The following TMEM182 variants were observed in gnomAD, a reference collection of about 807,000 sequenced individuals.
The protein encoded by TMEM182 is transmembrane protein 182.
Under a neutral mutation model 26.8 loss-of-function variants are expected in TMEM182, and 20 were observed. The ratio of observed to expected loss-of-function variants is 0.75; its 90% CI spans 0.53 to 1.09. The LOEUF (loss-of-function observed/expected upper bound fraction) is 1.09, where lower values mean the gene tolerates loss of function less well. Among genes scored for constraint, TMEM182 ranks in the 50% least tolerant of loss-of-function variants. TMEM182 has a pLI of 0.00. For missense variants in TMEM182, 277 were observed against 275.5 expected, an observed-to-expected ratio of 1.01 and a Z score of -0.04; for synonymous variants, 109 against 102.2, an observed-to-expected ratio of 1.07 and a Z score of -0.40.
At chr2:102,843,033 G>T (rs1425876040) in intron 3 of TMEM182, among the ~76,000 whole-genome samples, 2 of 152,156 alleles carry the variant, frequency 1.3e-5, no homozygotes, top group Non-Finnish European at 2.9e-5. Flanking sequence ...AAAATGGAGA[G>T]ATCCTGAGAT....
At chr2:102,807,646 A>T (rs1251128448) in intron 4 of TMEM182, among the ~76,000 whole-genome samples, 1 of 152,194 alleles carries the variant, frequency 6.6e-6, no homozygotes, top group African/African-American at 2.4e-5. Flanking sequence ...TGGAAGTGGC[A>T]AATTTCCCTT....
intron 3 of TMEM182, among the ~76,000 whole-genome samples, chr2:102,795,700 G>T (rs1681840965): frequency 6.6e-6 from 1 of 152,022 alleles, no homozygotes; most frequent in Non-Finnish European, 1.5e-5. Flanking sequence ...TATTTGTGTA[G>T]GTTCAAACGT....
At chr2:102,770,297 A>G (rs1680618436) in intron 3 of TMEM182, among the ~76,000 whole-genome samples, 1 of 152,168 alleles carries the variant, frequency 6.6e-6, no homozygotes, top group Non-Finnish European at 1.5e-5. Flanking sequence ...CCAATGATGC[A>G]AAAGTTCTTG....
intron 1 of TMEM182, among the ~76,000 whole-genome samples, chr2:102,757,009 A>G (rs1558754485): frequency 1.3e-5 from 2 of 152,036 alleles, no homozygotes; most frequent in South Asian, 4.1e-4. Context: ...ACTGAGTTTC[A>G]CCATCTTGGC....
At position 102,797,975 on chromosome 2, in the gene TMEM182, T is replaced by TG; in HGVS notation, c.449dup (p.Gly151ArgfsTer26). The TG allele has an allele frequency of 6.2e-7, 1 of 1,614,016 alleles. No homozygotes were observed. The highest frequency in any genetic ancestry group is 8.5e-7 in the Non-Finnish European group (1 of 1,179,996). ...TCGCCAGCCATTTTCTCTACAAAGC[T>TG]GGGGGAGGCTCATATATTGCTGCAG... is the stretch of plus-strand genomic sequence containing the variant. On this transcript the variant is annotated frameshift_variant, in exon 4 of 5. Transcript: ENST00000412401. LOFTEE classifies it high-confidence loss of function.
At chr2:102,830,538 GTATT>G (rs902880365) in intron 3 of TMEM182, among the ~76,000 whole-genome samples, 1 of 151,928 alleles carries the variant, frequency 6.6e-6, no homozygotes, top group African/African-American at 2.4e-5. Context: ...ATGTATTTAT[GTATT>G]TATTTATGTA....
intron 1 of TMEM182, among the ~76,000 whole-genome samples, chr2:102,745,068 C>A (rs759726458): frequency 6.6e-6 from 1 of 151,980 alleles, no homozygotes; most frequent in South Asian, 2.1e-4. Flanking sequence ...TGCTGTTGCC[C>A]AACAGATGTT....
chr2:102,770,276 TG>T (rs1326881851), intron 3 of TMEM182, among the ~76,000 whole-genome samples: 1 of 152,100 alleles, frequency 6.6e-6, no homozygotes, highest in Non-Finnish European at 1.5e-5. Flanking sequence ...AGGAAGGAAT[TG>T]GATCATAAGC....
chr2:102,799,406 G>C (rs1029503775), intron 4 of TMEM182, among the ~76,000 whole-genome samples: 2 of 152,148 alleles, frequency 1.3e-5, no homozygotes, highest in African/African-American at 4.8e-5. Flanking sequence ...AGGAACAGAA[G>C]GTTCCCTGAA....
At chr2:102,779,770 G>A (rs1343253297) in intron 3 of TMEM182, among the ~76,000 whole-genome samples, 1 of 151,926 alleles carries the variant, frequency 6.6e-6, no homozygotes, top group Non-Finnish European at 1.5e-5. Context: ...GCCAAGGCGG[G>A]TGGATCACCC....
At chr2:102,841,926 G>A (rs1268529411) in intron 3 of TMEM182, among the ~76,000 whole-genome samples, 1 of 152,156 alleles carries the variant, frequency 6.6e-6, no homozygotes, top group Non-Finnish European at 1.5e-5. Flanking sequence ...TCCATTCCAT[G>A]ACAGGGTAAT....
At chr2:102,772,847 A>ATACC (rs1301876199) in intron 3 of TMEM182, among the ~76,000 whole-genome samples, 1 of 152,192 alleles carries the variant, frequency 6.6e-6, no homozygotes, top group Non-Finnish European at 1.5e-5. Flanking sequence ...TTATGATGAT[A>ATACC]TACCAATTTA....
At chr2:102,767,362 G>C (rs1231267827) in intron 3 of TMEM182, among the ~76,000 whole-genome samples, 1 of 152,110 alleles carries the variant, frequency 6.6e-6, no homozygotes, top group East Asian at 1.9e-4. Flanking sequence ...GTAGGCTTGT[G>C]TACTTCTAAG....
intron 3 of TMEM182, among the ~76,000 whole-genome samples, chr2:102,787,455 A>G (rs956292559): frequency 6.6e-6 from 1 of 152,076 alleles, no homozygotes; most frequent in Admixed American, 6.5e-5. Flanking sequence ...ATCTAAATTT[A>G]TTTACTTCCT....
At chr2:102,817,966 A>G (rs901665486), downstream of TMEM182, among the ~76,000 whole-genome samples, 8 of 152,202 alleles carry the variant, frequency 5.3e-5, no homozygotes, top group Non-Finnish European at 1.2e-4. Flanking sequence ...TTTGATTTCT[A>G]TTTTCTTAAA....
chr2:102,824,868 C>T (rs969014034), intron 3 of TMEM182, among the ~76,000 whole-genome samples: 10 of 152,066 alleles, frequency 6.6e-5, no homozygotes, highest in East Asian at 1.9e-4. Flanking sequence ...GCTTCCCTTT[C>T]GCCTTCTGCC....
chr2:102,800,164 A>G (rs1026037246), intron 4 of TMEM182, among the ~76,000 whole-genome samples: 1 of 152,168 alleles, frequency 6.6e-6, no homozygotes, highest in Non-Finnish European at 1.5e-5. Context: ...TCAACATACA[A>G]CCTACCATTT....
intron 1 of TMEM182, among the ~76,000 whole-genome samples, chr2:102,744,041 A>T (rs961483597): frequency 6.6e-6 from 1 of 152,190 alleles, no homozygotes; most frequent in African/African-American, 2.4e-5. Context: ...ATTTATAGAT[A>T]AGATACCATC....
At chr2:102,831,105 G>A (rs1683140146) in intron 3 of TMEM182, among the ~76,000 whole-genome samples, 1 of 152,102 alleles carries the variant, frequency 6.6e-6, no homozygotes, top group Non-Finnish European at 1.5e-5. Flanking sequence ...CTGCTCATCT[G>A]TTGATGGACA....
Sources: gnomAD v4.1 joint callset for allele counts (sites outside exome capture counted in the v4.1 genomes callset) on GRCh38, gnomAD v4.1.1 for gene constraint, MANE v1.5 for transcripts, NCBI Gene and HGNC (gene_info 2026-07-23, HGNC 2026-07-21) for gene names.